Variants in RNF111 observed in about 807,000 individuals in gnomAD.
RNF111 encodes the protein E3 ubiquitin-protein ligase Arkadia.
In RNF111, 17 loss-of-function variants were observed where a neutral mutation model predicts 95.1. That is an observed-to-expected ratio of 0.18 (90% CI 0.12 to 0.27). The LOEUF (loss-of-function observed/expected upper bound fraction) is 0.27, where lower values mean the gene tolerates loss of function less well. RNF111 is among the 10% of genes least tolerant of loss of function. The pLI is 1.00. For synonymous variants in RNF111, 440 were observed against 414.8 expected (o/e 1.06, Z -0.74); for missense variants, 1,189 against 1,210.4 (o/e 0.98, Z 0.26).
At chr15:59,047,046 C>G (rs983151989) in intron 2 of RNF111, among the ~76,000 whole-genome samples, 7 of 151,756 alleles carry the variant, frequency 4.6e-5, no homozygotes, top group Non-Finnish European at 5.9e-5. Flanking sequence ...TGGTCTTGAA[C>G]TCCTAGGCTC....
In RNF111 at chr15:59,040,119, A is replaced by AT. The variant is rs34594493; in HGVS notation, c.880+8429dup. Among the ~76,000 whole-genome samples, 237 of 145,344 alleles carry AT rather than the reference A, an allele frequency of 1.6e-3. 2 individuals carry two copies. The East Asian group carries it at 0.033, about 20-fold the overall frequency. ...TTTTGGCTTTTTTGAATTTAACCTAATTTTTTTTTTTTAAAGGGACGGTCT... is the reference window on the plus strand; with the variant it reads ...TTTTGGCTTTTTTGAATTTAACCTAATTTTTTTTTTTTTAAAGGGACGGTCT... On this transcript the variant is annotated intron_variant, in intron 2 of 13. Coordinates refer to ENST00000348370, the MANE Select transcript of RNF111 (RefSeq NM_017610.8).
Position 59,055,784 on chromosome 15 carries a change from T to C in RNF111, c.1110T>C (p.Thr370=). 5.6e-6 allele frequency: 9 copies of C among 1,614,054 alleles called. No individual in the cohort carries two copies. The highest frequency in any genetic ancestry group is 5.9e-6 in the Non-Finnish European group (7 of 1,179,974). ...QEPRNRSRIS[T]VIQPLRQNAA... Reference sequence around the variant, plus strand: ...CACGGAACCGCAGTAGGATTTCTACTGTTATACAGCCCTTGAGGCAGAATG... The same window carrying C: ...CACGGAACCGCAGTAGGATTTCTACCGTTATACAGCCCTTGAGGCAGAATG... Residue 370 remains threonine, a synonymous_variant, in exon 4 of 14, where the codon ACT becomes ACC. Coordinates refer to ENST00000348370, the MANE Select transcript of RNF111 (RefSeq NM_017610.8).
intron 2 of RNF111, chr15:59,049,417 T>A (rs1321968594): frequency 1.0e-5 from 2 of 194,440 alleles, no homozygotes; most frequent in Non-Finnish European, 2.2e-5. Flanking sequence ...ATTCACAGGT[T>A]ATAGGTTCCA....
chr15:59,089,581 T>C (rs2078992327), intron 10 of RNF111, 86 bp from the exon 11 acceptor site: 1 of 1,021,718 alleles, frequency 9.8e-7, no homozygotes, highest in Non-Finnish European at 1.5e-6. Context: ...ATTGAAAACA[T>C]TGAGGGTCTT....
chr15:59,030,697 G>A (rs1259392229), intron 1 of RNF111, 107 bp from the exon 2 acceptor site: 1 of 734,232 alleles, frequency 1.4e-6, no homozygotes, highest in Non-Finnish European at 2.1e-6. Flanking sequence ...GGAAAAGACA[G>A]TTCTGCCTTT....
rs1395978104 is a variant in RNF111, at chr15:59,067,099, G to T, written c.1686+16G>T. 6.2e-7 allele frequency: 1 copy of T among 1,603,396 alleles called. No individual in the cohort carries two copies. Among genetic ancestry groups the T allele is most frequent in the African/African-American group, 1.3e-5 (1 of 74,582 alleles). ...TCATGAACAGGTATGTGGAATTTGAGTCAGTCTTTCTTTCCTGCCCCTCTT... is the reference window on the plus strand; with the variant it reads ...TCATGAACAGGTATGTGGAATTTGATTCAGTCTTTCTTTCCTGCCCCTCTT... On this transcript the variant is annotated intron_variant, in intron 6 of 13. Coordinates refer to ENST00000348370, the MANE Select transcript of RNF111 (RefSeq NM_017610.8).
chr15:59,088,788 A>AG (rs564153077), intron 10 of RNF111, among the ~76,000 whole-genome samples: 108 of 152,342 alleles, frequency 7.1e-4, no homozygotes, highest in African/African-American at 2.5e-3. Flanking sequence ...AAAATATTGT[A>AG]GAATCATTAA....
At chr15:59,030,038 A>T (rs1233721383) in intron 1 of RNF111, among the ~76,000 whole-genome samples, 1 of 152,188 alleles carries the variant, frequency 6.6e-6, no homozygotes, top group East Asian at 1.9e-4. Context: ...ATTGATGTAA[A>T]TGCTTTAAAT....
intron 1 of RNF111, among the ~76,000 whole-genome samples, chr15:59,018,052 C>T (rs1439322378): frequency 1.3e-5 from 2 of 152,132 alleles, no homozygotes; most frequent in East Asian, 3.9e-4. Flanking sequence ...AGGCACCACG[C>T]CCGGCCTATT....
At chr15:59,064,072 G>A (rs774950954) in intron 5 of RNF111, among the ~76,000 whole-genome samples, 5 of 152,130 alleles carry the variant, frequency 3.3e-5, no homozygotes, top group Non-Finnish European at 7.3e-5. Flanking sequence ...ATAGGAAACA[G>A]TTACTTAATG....
intron 6 of RNF111, 79 bp from the exon 7 acceptor site, chr15:59,075,875 A>T: frequency 4.1e-6 from 6 of 1,454,382 alleles, no homozygotes; most frequent in Middle Eastern, 2.2e-4. Flanking sequence ...TTTTGGTTAT[A>T]TTAGGAATAC....
intron 1 of RNF111, among the ~76,000 whole-genome samples, chr15:59,011,162 G>T (rs995839152): frequency 6.6e-6 from 1 of 152,136 alleles, no homozygotes; most frequent in African/African-American, 2.4e-5. Context: ...ATGAGAAATA[G>T]GGTAATTGGG....
chr15:59,008,421 A>G (rs2039640413), intron 1 of RNF111, among the ~76,000 whole-genome samples: 1 of 151,716 alleles, frequency 6.6e-6, no homozygotes, highest in Admixed American at 6.6e-5. Flanking sequence ...GTCTCACTTT[A>G]TTGCCCAGGC....
chr15:59,045,983 C>A (rs2041689666), intron 2 of RNF111, among the ~76,000 whole-genome samples: 1 of 152,158 alleles, frequency 6.6e-6, no homozygotes, highest in African/African-American at 2.4e-5. Flanking sequence ...TGTGTGTAAT[C>A]TTTAGGACTT....
At chr15:59,001,504 T>TA (rs2039322751) in intron 1 of RNF111, among the ~76,000 whole-genome samples, 1 of 152,200 alleles carries the variant, frequency 6.6e-6, no homozygotes, top group Non-Finnish European at 1.5e-5. Context: ...TTGTATAACT[T>TA]ACCATGTTTT....
At chr15:59,089,230 A>G (rs900250247) in intron 10 of RNF111, among the ~76,000 whole-genome samples, 1 of 152,204 alleles carries the variant, frequency 6.6e-6, no homozygotes, top group Non-Finnish European at 1.5e-5. Context: ...AAAAATTAGA[A>G]AACAGTGTTA....
At chr15:58,993,393 C>T (rs1358272204) in intron 1 of RNF111, among the ~76,000 whole-genome samples, 1 of 151,722 alleles carries the variant, frequency 6.6e-6, no homozygotes, top group Non-Finnish European at 1.5e-5. Flanking sequence ...CAAAAATTAG[C>T]TGGGCGTGGT....
At chr15:59,018,437 T>G (rs2040173528) in intron 1 of RNF111, among the ~76,000 whole-genome samples, 1 of 152,200 alleles carries the variant, frequency 6.6e-6, no homozygotes, top group Non-Finnish European at 1.5e-5. Flanking sequence ...TGTAGAAATC[T>G]GTTGTCAACA....
Position 59,052,284 on chromosome 15 carries a change from GTT to G in RNF111, c.881-16_881-15del, listed in dbSNP as rs11394653. 6.5e-7 allele frequency: 1 copy of G among 1,544,612 alleles called. No homozygotes were observed. Among genetic ancestry groups the G allele is most frequent in the African/African-American group, 1.4e-5 (1 of 71,832 alleles). ...AGCTGACAGGAAGATGCCTTTAAAT[GTT>G]TTTTCTTTTTGTTTCCAGGAAGTAT... On this transcript the variant is annotated intron_variant, in intron 2 of 13. Transcript: ENST00000348370.
Sources: gnomAD v4.1 joint callset for allele counts (sites outside exome capture counted in the v4.1 genomes callset) on GRCh38, gnomAD v4.1.1 for gene constraint, MANE v1.5 for transcripts, NCBI Gene and HGNC (gene_info 2026-07-23, HGNC 2026-07-21) for gene names.